Variants in HEATR4 observed in about 807,000 individuals in gnomAD.
HEATR4 encodes HEAT repeat containing 4.
Under a neutral mutation model 108.8 loss-of-function variants are expected in HEATR4, and 95 were observed. The observed-to-expected ratio is 0.87, with a 90% CI of 0.74 to 1.04. The LOEUF (loss-of-function observed/expected upper bound fraction) is 1.04, where lower values mean the gene tolerates loss of function less well. HEATR4 is among the 50% of genes least tolerant of loss of function. HEATR4 has a pLI of 0.00. For synonymous variants in HEATR4, 443 were observed against 459.4 expected, an observed-to-expected ratio of 0.96 and a Z score of 0.46; for missense variants, 1,152 against 1,253.8, an observed-to-expected ratio of 0.92 and a Z score of 1.23.
At chr14:73,560,251 G>A (rs1005226700), upstream of HEATR4, among the ~76,000 whole-genome samples, 3 of 152,086 alleles carry the variant, frequency 2.0e-5, no homozygotes, top group African/African-American at 7.2e-5. Context: ...CCATCTCTTG[G>A]TTCCAAGCAA....
chr14:73,561,537 A>C (rs1889531810), upstream of HEATR4, among the ~76,000 whole-genome samples: 1 of 151,912 alleles, frequency 6.6e-6, no homozygotes. Context: ...AAATACAAAA[A>C]TTAGCTGGGC....
chr14:73,592,107 G>C, the HEATR4 span: 5 of 1,504,230 alleles, frequency 3.3e-6, no homozygotes, highest in Non-Finnish European at 4.4e-6. Context: ...CCGGGCCCAC[G>C]CGCGCTACTG....
the HEATR4 span, among the ~76,000 whole-genome samples, chr14:73,570,829 C>T: frequency 2.4e-4 from 36 of 150,688 alleles, 1 homozygote; most frequent in African/African-American, 8.3e-4. Context: ...CGCTGGAACC[C>T]GGGAGGCAGA....
chr14:73,579,959 A>T, the HEATR4 span, among the ~76,000 whole-genome samples: 6 of 151,760 alleles, frequency 4.0e-5, no homozygotes, highest in African/African-American at 1.5e-4. Flanking sequence ...CCAGGCCCAC[A>T]TGGTGGTGTG....
At chr14:73,520,522 A>C (rs1035340254) in intron 4 of HEATR4, 14 of 205,520 alleles carry the variant, frequency 6.8e-5, no homozygotes, top group African/African-American at 3.2e-4. Flanking sequence ...AAGTGGGAGA[A>C]TATCTCGAAG....
At chr14:73,617,836 G>T in the HEATR4 span, among the ~76,000 whole-genome samples, 3 of 152,160 alleles carry the variant, frequency 2.0e-5, no homozygotes, top group African/African-American at 7.2e-5. Flanking sequence ...TCTGATAACA[G>T]AAATAATTAA....
At chr14:73,519,296 A>G (rs1442579373) in intron 4 of HEATR4, 133 bp from the exon 5 acceptor site, 2 of 741,954 alleles carry the variant, frequency 2.7e-6, no homozygotes, top group East Asian at 5.3e-5. Flanking sequence ...TGACTGCCAT[A>G]CTCTGGGGCA....
chr14:73,628,622 G>T, the HEATR4 span, among the ~76,000 whole-genome samples: 1 of 152,092 alleles, frequency 6.6e-6, no homozygotes, highest in African/African-American at 2.4e-5. Context: ...GAGTGGTGGC[G>T]CATGCCTGTA....
At chr14:73,527,781 C>T (rs1177982353) in intron 2 of HEATR4, among the ~76,000 whole-genome samples, 1 of 151,532 alleles carries the variant, frequency 6.6e-6, no homozygotes, top group Non-Finnish European at 1.5e-5. Flanking sequence ...GGTTCGAGAC[C>T]AGCCCGGCCA....
the HEATR4 span, chr14:73,580,606 C>T: frequency 5.2e-5 from 7 of 134,720 alleles, no homozygotes; most frequent in African/African-American, 1.9e-4. Flanking sequence ...GGTGGCGTGA[C>T]CTGCTCCACT....
intron 17 of HEATR4, among the ~76,000 whole-genome samples, chr14:73,486,350 T>C (rs532338430): frequency 7.1e-4 from 108 of 152,322 alleles, no homozygotes; most frequent in African/African-American, 2.4e-3. Flanking sequence ...CTTTTATTTC[T>C]CTTTCTCACC....
intron 1 of HEATR4, among the ~76,000 whole-genome samples, chr14:73,539,011 T>A (rs1358216698): frequency 3.5e-5 from 4 of 115,084 alleles, no homozygotes; most frequent in Non-Finnish European, 7.6e-5. Context: ...CAACAAAAAA[T>A]TTTCAAGTAG....
rs1232919713 is a variant in HEATR4 at position 73,479,417 on chromosome 14, TTTTTTC to T, written c.2845-581_2845-576del. Reference sequence around the variant, plus strand: ...GTGTCAGCCACTGCGCCCGGCGTTTTTTTTTCTTTCTTTCTTTCTTTCTTTTTTTTT... The same window carrying T: ...GTGTCAGCCACTGCGCCCGGCGTTTTTTTCTTTCTTTCTTTCTTTTTTTTT... On this transcript the variant is annotated intron_variant, in intron 17 of 17. Coordinates refer to ENST00000553558, the MANE Select transcript of HEATR4 (RefSeq NM_001220484.1). 2.8e-3 allele frequency among the ~76,000 whole-genome samples: 169 copies of T among 60,140 alleles called. 3 individuals are homozygous for T. The East Asian group carries it at 0.034, about 12-fold the overall frequency. The allele number at this position is 60,140 out of a possible 152,430, so 39.5% of individuals were successfully genotyped here. A position where few individuals can be genotyped will look rare whatever the true frequency, so the allele number is the denominator to read the frequency against.
chr14:73,502,200 G>A (rs1886515549), intron 11 of HEATR4, among the ~76,000 whole-genome samples: 1 of 151,918 alleles, frequency 6.6e-6, no homozygotes, highest in African/African-American at 2.4e-5. Flanking sequence ...GGCCTCCTGT[G>A]CAGTCTTATC....
chr14:73,595,946 T>C, the HEATR4 span: 1 of 246,100 alleles, frequency 4.1e-6, no homozygotes, highest in Non-Finnish European at 7.8e-6. Context: ...AGGTGAGCTT[T>C]AAAGCTGGTG....
chr14:73,530,808 T>TTC (rs1287490154), intron 1 of HEATR4, among the ~76,000 whole-genome samples: 4 of 86,822 alleles, frequency 4.6e-5, no homozygotes, highest in African/African-American at 1.5e-4. Context: ...TTTTTTTTTT[T>TTC]TTTTTTTTTT....
chr14:73,562,696 G>C (rs1845301525), upstream of HEATR4, among the ~76,000 whole-genome samples: 1 of 151,992 alleles, frequency 6.6e-6, no homozygotes, highest in South Asian at 2.1e-4. Flanking sequence ...GGGAATGTCT[G>C]TCTTGTGCCG....
the HEATR4 span, among the ~76,000 whole-genome samples, chr14:73,583,348 CAA>C: frequency 0.017 from 2,220 of 128,974 alleles, 59 homozygotes; most frequent in African/African-American, 0.054. Flanking sequence ...GACTCCGTCT[CAA>C]AAAAAAAAAA....
At chr14:73,575,881 G>A in the HEATR4 span, among the ~76,000 whole-genome samples, 1 of 152,074 alleles carries the variant, frequency 6.6e-6, no homozygotes, top group African/African-American at 2.4e-5. Flanking sequence ...GCCAGGCGTG[G>A]TGGCTCACAC....
Sources: gnomAD v4.1 joint callset for allele counts (sites outside exome capture counted in the v4.1 genomes callset) on GRCh38, gnomAD v4.1.1 for gene constraint, MANE v1.5 for transcripts, NCBI Gene and HGNC (gene_info 2026-07-23, HGNC 2026-07-21) for gene names.